C4orf36: variants seen among roughly 807,000 people sequenced by gnomAD.
The protein encoded by C4orf36 is uncharacterized protein C4orf36.
A neutral mutation model predicts 12.2 loss-of-function variants in C4orf36; 11 were observed. The observed-to-expected ratio is 0.90, with a 90% confidence interval of 0.57 to 1.49. C4orf36 has a LOEUF of 1.49. C4orf36 is among the 40% of genes most tolerant of loss of function. The pLI, the probability that C4orf36 is intolerant of heterozygous loss-of-function variation, is 0.00. For synonymous variants in C4orf36, 54 were observed against 51.3 expected (o/e 1.05, Z -0.22); for missense variants, 137 against 133.9 (o/e 1.02, Z -0.11).
chr4:86,929,949 T>A, the C4orf36 span, among the ~76,000 whole-genome samples: 36 of 152,318 alleles, frequency 2.4e-4, 1 homozygote, highest in East Asian at 6.9e-3. Flanking sequence ...ACATTGAATT[T>A]ATTTTGCCTG....
At chr4:86,914,384 CTTCTTCCTTTTTTTTTT>C in the C4orf36 span, 2 of 511,470 alleles carry the variant, frequency 3.9e-6, no homozygotes, top group African/African-American at 4.7e-5. Flanking sequence ...TCCCGTTCTT[CTTCTTCCTTTTTTTTTT>C]TTTTTTTTTT....
chr4:86,885,307 A>G (rs1170655179), intron 4 of C4orf36, among the ~76,000 whole-genome samples: 3 of 151,954 alleles, frequency 2.0e-5, no homozygotes, highest in African/African-American at 7.3e-5. Flanking sequence ...CATTTTCACG[A>G]TATTGATTCT....
upstream of C4orf36, among the ~76,000 whole-genome samples, chr4:86,892,617 G>A (rs551958380): frequency 1.4e-4 from 22 of 152,364 alleles, no homozygotes; most frequent in African/African-American, 4.8e-4. Flanking sequence ...TTCCTGGGAA[G>A]GACGCTTTCC....
chr4:86,900,985 C>CTTT, the C4orf36 span, among the ~76,000 whole-genome samples: 1 of 138,064 alleles, frequency 7.2e-6, no homozygotes, highest in Non-Finnish European at 1.6e-5. Flanking sequence ...GCAGTGGTTC[C>CTTT]TTTTTTTTTT....
At chr4:86,931,967 G>A in the C4orf36 span, among the ~76,000 whole-genome samples, 229 of 151,052 alleles carry the variant, frequency 1.5e-3, no homozygotes, top group Admixed American at 3.0e-3. Flanking sequence ...CCCGGGAGAC[G>A]GAGCTTGCAG....
chr4:86,882,294 T>C (rs1747069377), intron 4 of C4orf36, among the ~76,000 whole-genome samples: 1 of 152,208 alleles, frequency 6.6e-6, no homozygotes, highest in Non-Finnish European at 1.5e-5. Context: ...TATTTTATTC[T>C]GGCAAACTTT....
chr4:86,921,471 G>T, the C4orf36 span, among the ~76,000 whole-genome samples: 1 of 152,008 alleles, frequency 6.6e-6, no homozygotes, highest in African/African-American at 2.4e-5. Context: ...TTTTCTCTTT[G>T]CTTGTAATAT....
the C4orf36 span, among the ~76,000 whole-genome samples, chr4:86,898,775 C>G: frequency 6.6e-6 from 1 of 152,048 alleles, no homozygotes; most frequent in Non-Finnish European, 1.5e-5. Context: ...CACCTGTGAA[C>G]AGCCACTGCC....
intron 1 of C4orf36, among the ~76,000 whole-genome samples, chr4:86,891,897 T>A (rs1344830390): frequency 6.6e-6 from 1 of 152,242 alleles, no homozygotes; most frequent in Non-Finnish European, 1.5e-5. Context: ...ATGTGTCTGA[T>A]CGTGGCAGTG....
In C4orf36 at chr4:86,892,267, CG is replaced by C; in HGVS notation, c.-159del. The C allele has an allele frequency of 3.0e-6, 3 of 985,864 alleles. No homozygotes were observed. Among genetic ancestry groups the C allele is most frequent in the Non-Finnish European group, 3.6e-6 (3 of 830,290 alleles). The allele number at this position is 985,864 out of a possible 1,614,324, so 61.1% of individuals were successfully genotyped here. On this transcript the variant is annotated 5_prime_UTR_variant, in exon 1 of 5. Coordinates refer to ENST00000295898, the MANE Select transcript of C4orf36 (RefSeq NM_144645.4). ...GTGGCGGGTCCCCGCGAGCCGGCGCCGGCGGCCTGGTTACCCGGGCTCCAGG... is the reference window on the plus strand; with the variant it reads ...GTGGCGGGTCCCCGCGAGCCGGCGCCGCGGCCTGGTTACCCGGGCTCCAGG...
the C4orf36 span, among the ~76,000 whole-genome samples, chr4:86,903,708 T>C: frequency 6.6e-6 from 1 of 152,224 alleles, no homozygotes; most frequent in Non-Finnish European, 1.5e-5. Flanking sequence ...CTTTATTCCC[T>C]TATCTGACCC....
the C4orf36 span, among the ~76,000 whole-genome samples, chr4:86,919,315 C>CTTTTTTTTT: frequency 4.9e-5 from 4 of 81,354 alleles, no homozygotes; most frequent in Non-Finnish European, 6.3e-5. Context: ...TTTTTTCCCC[C>CTTTTTTTTT]TTTTTTTTTT....
At chr4:86,905,991 G>A in the C4orf36 span, among the ~76,000 whole-genome samples, 1 of 152,084 alleles carries the variant, frequency 6.6e-6, no homozygotes, top group Non-Finnish European at 1.5e-5. Context: ...AAAGTGCTGG[G>A]ATTACCCACG....
At chr4:86,930,116 C>A in the C4orf36 span, among the ~76,000 whole-genome samples, 2 of 152,186 alleles carry the variant, frequency 1.3e-5, no homozygotes, top group Non-Finnish European at 2.9e-5. Context: ...CCTGCTCCAC[C>A]GGGGCACTGT....
At chr4:86,934,178 A>T in the C4orf36 span, among the ~76,000 whole-genome samples, 1 of 152,340 alleles carries the variant, frequency 6.6e-6, no homozygotes, top group East Asian at 1.9e-4. Flanking sequence ...AAACCATAAA[A>T]TACTGTCGGC....
chr4:86,924,194 C>T, the C4orf36 span, among the ~76,000 whole-genome samples: 1 of 152,032 alleles, frequency 6.6e-6, no homozygotes, highest in Non-Finnish European at 1.5e-5. Context: ...GCGCATGCCA[C>T]CACATGTGGT....
chr4:86,916,921 C>T, the C4orf36 span, among the ~76,000 whole-genome samples: 1 of 152,148 alleles, frequency 6.6e-6, no homozygotes, highest in Non-Finnish European at 1.5e-5. Flanking sequence ...TTTATGCTGC[C>T]TGTCTTAGTC....
chr4:86,883,218 TG>T lies in C4orf36; in HGVS notation c.*2+4539del, dbSNP rs869256108. Among the ~76,000 whole-genome samples the T allele has an allele frequency of 2.6e-5, 3 of 115,782 alleles. No homozygotes were observed. In the Admixed American group the frequency reaches 2.7e-4, roughly 11 times the overall value. 76.0% of individuals were successfully genotyped at this position (115,782 alleles called of 152,430 possible). On this transcript the variant is annotated intron_variant, in intron 4 of 4. Coordinates refer to ENST00000295898, the MANE Select transcript of C4orf36 (RefSeq NM_144645.4). ...GACATTTTTGCACACAAATTCTCCATGCTACTTTTAAGAGAAAGACATAAGT... is the reference window on the plus strand; with the variant it reads ...GACATTTTTGCACACAAATTCTCCATCTACTTTTAAGAGAAAGACATAAGT...
the C4orf36 span, among the ~76,000 whole-genome samples, chr4:86,912,964 A>G: frequency 2.7e-5 from 4 of 150,730 alleles, no homozygotes; most frequent in African/African-American, 9.8e-5. Context: ...CCACTGGGCA[A>G]TTTACATATC....
Sources: gnomAD v4.1 joint callset for allele counts (sites outside exome capture counted in the v4.1 genomes callset) on GRCh38, gnomAD v4.1.1 for gene constraint, MANE v1.5 for transcripts, NCBI Gene and HGNC (gene_info 2026-07-23, HGNC 2026-07-21) for gene names.